Variants in ZNF423 observed in about 807,000 individuals in gnomAD.
The protein encoded by ZNF423 is Ebf-associated zinc finger protein.
ZNF423 carries 12 observed loss-of-function variants against 95.8 expected under a neutral mutation model. That is an observed-to-expected ratio of 0.13 (90% CI 0.08 to 0.20). The LOEUF (loss-of-function observed/expected upper bound fraction) is 0.20, where lower values mean the gene tolerates loss of function less well. Ranked by LOEUF, ZNF423 falls within the 10% of genes least tolerant of loss-of-function variation. The pLI, the probability that ZNF423 is intolerant of heterozygous loss-of-function variation, is 1.00. For synonymous variants in ZNF423, 749 were observed against 711.9 expected, an observed-to-expected ratio of 1.05 and a Z score of -0.83; for missense variants, 1,316 against 1,737.1, an observed-to-expected ratio of 0.76 and a Z score of 4.31.
intron 3 of ZNF423, among the ~76,000 whole-genome samples, chr16:49,660,583 C>T (rs994857688): frequency 6.6e-6 from 1 of 152,340 alleles, no homozygotes; most frequent in South Asian, 2.1e-4. Context: ...CCAGCAGAGC[C>T]TGTCCAGCAT....
chr16:49,806,172 C>T (rs1434999915), intron 1 of ZNF423, among the ~76,000 whole-genome samples: 4 of 152,272 alleles, frequency 2.6e-5, no homozygotes, highest in Admixed American at 6.5e-5. Context: ...ACTGGGCTCT[C>T]GCCCACCAGC....
chr16:49,781,487 G>A (rs950811797), intron 2 of ZNF423, among the ~76,000 whole-genome samples: 10 of 152,200 alleles, frequency 6.6e-5, no homozygotes, highest in Non-Finnish European at 1.0e-4. Flanking sequence ...AATGGAGCTC[G>A]AAAGGGGACT....
intron 5 of ZNF423, among the ~76,000 whole-genome samples, chr16:49,600,676 G>A (rs865898397): frequency 1.1e-4 from 17 of 152,226 alleles, no homozygotes; most frequent in Non-Finnish European, 1.8e-4. Context: ...GCCGGCCGAC[G>A]TTTATTACCC....
chr16:49,858,785 C>T (rs1447220038), upstream of ZNF423, among the ~76,000 whole-genome samples: 1 of 151,638 alleles, frequency 6.6e-6, no homozygotes, highest in Non-Finnish European at 1.5e-5. This position sits in a 1 kb window ranked among gnomAD's most constrained non-coding sequence, Gnocchi z 4.3. Flanking sequence ...TGCCAAGGGC[C>T]GAGGCGAGGG....
chr16:49,677,307 AGAAAGGAGGGGAAGGGAGGG>A (rs2031131904), intron 3 of ZNF423, among the ~76,000 whole-genome samples: 2 of 69,812 alleles, frequency 2.9e-5, no homozygotes, highest in African/African-American at 9.5e-5. Flanking sequence ...AGAAGAGAAG[AGAAAGGAGGGGAAGGGAGGG>A]GAGGGGAGGG....
chr16:49,788,937 T>G (rs370157779), intron 2 of ZNF423, among the ~76,000 whole-genome samples: 26 of 152,210 alleles, frequency 1.7e-4, no homozygotes, highest in African/African-American at 6.0e-4. Context: ...CACCTCTTTT[T>G]ACAGCTAAGA....
chr16:49,526,233 G>A (rs1968605715), intron 5 of ZNF423, among the ~76,000 whole-genome samples: 1 of 152,192 alleles, frequency 6.6e-6, no homozygotes, highest in African/African-American at 2.4e-5. Context: ...CTTCGAGACT[G>A]ACGGGCAGCA....
At chr16:49,582,475 A>C (rs1387934925) in intron 5 of ZNF423, among the ~76,000 whole-genome samples, 2 of 152,164 alleles carry the variant, frequency 1.3e-5, no homozygotes, top group Non-Finnish European at 2.9e-5. Flanking sequence ...CACTATGCAT[A>C]CTCTATTTTT....
chr16:49,639,375 GC>G (rs1296962174), intron 3 of ZNF423, among the ~76,000 whole-genome samples: 5 of 152,184 alleles, frequency 3.3e-5, no homozygotes, highest in Non-Finnish European at 7.3e-5. Context: ...CAACAAAAAT[GC>G]CCTTATCAGA....
intron 5 of ZNF423, among the ~76,000 whole-genome samples, chr16:49,541,759 C>T (rs186244801): frequency 1.6e-4 from 24 of 152,230 alleles, no homozygotes; most frequent in Admixed American, 2.6e-4. Context: ...TGATTTCTCA[C>T]GAGATCTGAT....
At chr16:49,652,043 C>T (rs1196672726) in intron 3 of ZNF423, among the ~76,000 whole-genome samples, 2 of 152,130 alleles carry the variant, frequency 1.3e-5, no homozygotes, top group Non-Finnish European at 2.9e-5. Flanking sequence ...GAGCCCAACG[C>T]TCTCATTACA....
chr16:49,561,793 C>G (rs546400408), intron 5 of ZNF423, among the ~76,000 whole-genome samples: 3 of 152,268 alleles, frequency 2.0e-5, no homozygotes, highest in South Asian at 4.1e-4. Context: ...GCAGCACTTG[C>G]TGAAAAATGG....
At chr16:49,858,725 C>G (rs907329727), upstream of ZNF423, among the ~76,000 whole-genome samples, 7 of 143,144 alleles carry the variant, frequency 4.9e-5, no homozygotes, top group Non-Finnish European at 1.1e-4. The surrounding 1 kb of genome is among the most constrained non-coding windows in gnomAD (Gnocchi z 4.3). Flanking sequence ...GAGCCCCCCC[C>G]CCCACGCCCC....
Position 49,706,207 on chromosome 16 carries a change from A to G in ZNF423, c.301+24564T>C, listed in dbSNP as rs143732910. Among the ~76,000 whole-genome samples, 420 of 152,336 alleles carry G rather than the reference A, an allele frequency of 2.8e-3. 11 individuals are homozygous for G. In the East Asian group the frequency reaches 0.073, roughly 26 times the overall value. ...GGTCTCATGGGCACTGGAGGCTGTC[A>G]GTCCTCAGAACTGACCCCTCACCAC... On this transcript the variant is annotated intron_variant, in intron 3 of 7. Coordinates refer to ENST00000563137, the MANE Select transcript of ZNF423 (RefSeq NM_001379286.1).
chr16:49,542,939 A>C (rs1215193154), intron 5 of ZNF423, among the ~76,000 whole-genome samples: 47 of 152,150 alleles, frequency 3.1e-4, no homozygotes, highest in Admixed American at 3.1e-3. Flanking sequence ...GCAACCCCTC[A>C]AGTCCCCTAG....
chr16:49,703,357 T>A (rs2032252555), intron 3 of ZNF423, among the ~76,000 whole-genome samples: 2 of 152,240 alleles, frequency 1.3e-5, no homozygotes, highest in Non-Finnish European at 2.9e-5. Flanking sequence ...CAATTTAATT[T>A]TTAGGCACAA....
intron 3 of ZNF423, among the ~76,000 whole-genome samples, chr16:49,665,378 G>A (rs2030486842): frequency 6.6e-6 from 1 of 152,156 alleles, no homozygotes; most frequent in Non-Finnish European, 1.5e-5. Context: ...AGCCTAGGTG[G>A]AGGGACAACA....
intron 7 of ZNF423, among the ~76,000 whole-genome samples, chr16:49,493,379 T>C (rs1967046608): frequency 6.6e-6 from 1 of 152,260 alleles, no homozygotes; most frequent in African/African-American, 2.4e-5. Context: ...TGACCTCCTT[T>C]GCTGAGCTGC....
intron 1 of ZNF423, among the ~76,000 whole-genome samples, chr16:49,792,651 A>C (rs945382833): frequency 6.6e-6 from 1 of 152,202 alleles, no homozygotes; most frequent in Non-Finnish European, 1.5e-5. Flanking sequence ...CACCCCACTC[A>C]CATGCCCTCC....
Sources: gnomAD v4.1 joint callset for allele counts (sites outside exome capture counted in the v4.1 genomes callset) on GRCh38, gnomAD v4.1.1 for gene constraint, Gnocchi (gnomAD v3.1) non-coding constraint, MANE v1.5 for transcripts, NCBI Gene and HGNC (gene_info 2026-07-23, HGNC 2026-07-21) for gene names.